RETREG1: variants seen among roughly 807,000 people sequenced by gnomAD.
The protein encoded by RETREG1 is family with sequence similarity 134 member B.
RETREG1 carries 44 observed loss-of-function variants against 54.8 expected under a neutral mutation model. That is an observed-to-expected ratio of 0.80 (90% CI 0.63 to 1.03). RETREG1 has a LOEUF of 1.03. Ranked by LOEUF, RETREG1 falls within the 50% of genes least tolerant of loss-of-function variation. The pLI is 0.00. For synonymous variants in RETREG1, 217 were observed against 238.5 expected, an observed-to-expected ratio of 0.91 and a Z score of 0.83; for missense variants, 554 against 605.1, an observed-to-expected ratio of 0.92 and a Z score of 0.89.
intron 8 of RETREG1, among the ~76,000 whole-genome samples, chr5:16,476,431 C>T (rs1236872477): frequency 1.3e-5 from 2 of 152,148 alleles, no homozygotes; most frequent in African/African-American, 4.8e-5. Flanking sequence ...CAAGCATTGA[C>T]TCTCAATTTA....
At chr5:16,524,718 TTC>T (rs1188618873) in intron 3 of RETREG1, among the ~76,000 whole-genome samples, 2 of 152,232 alleles carry the variant, frequency 1.3e-5, no homozygotes. Context: ...CTACTCCAGC[TTC>T]TGTGTCCTTC....
intron 3 of RETREG1, among the ~76,000 whole-genome samples, chr5:16,553,326 T>TA (rs1423802136): frequency 0.11 from 6,095 of 56,682 alleles, 380 homozygotes; most frequent in African/African-American, 0.29. Context: ...AAAAAACGTG[T>TA]AAGAAAAAAA....
intron 3 of RETREG1, among the ~76,000 whole-genome samples, chr5:16,531,734 G>A (rs989489939): frequency 3.3e-5 from 5 of 152,184 alleles, no homozygotes; most frequent in African/African-American, 1.2e-4. Flanking sequence ...TGAGAAGGGG[G>A]TGGCTAGACA....
intron 1 of RETREG1, among the ~76,000 whole-genome samples, chr5:16,572,569 A>C (rs539427909): frequency 2.6e-5 from 4 of 152,362 alleles, no homozygotes; most frequent in African/African-American, 9.6e-5. Flanking sequence ...TTTAATAGGC[A>C]TCAAAGTCAG....
chr5:16,521,402 A>G (rs1418799288), intron 3 of RETREG1, among the ~76,000 whole-genome samples: 2 of 152,204 alleles, frequency 1.3e-5, no homozygotes, highest in South Asian at 2.1e-4. Flanking sequence ...ATGTTCCTGC[A>G]TGCTTTCCTA....
intron 1 of RETREG1, among the ~76,000 whole-genome samples, chr5:16,589,617 C>T (rs745552863): frequency 1.4e-4 from 21 of 152,298 alleles, no homozygotes; most frequent in African/African-American, 4.6e-4. Context: ...CCGCCTGCCT[C>T]GGCCTCCCAA....
At chr5:16,491,472 T>C (rs1739243714) in intron 3 of RETREG1, among the ~76,000 whole-genome samples, 1 of 152,084 alleles carries the variant, frequency 6.6e-6, no homozygotes, top group Admixed American at 6.6e-5. Context: ...ACAGTAAACA[T>C]CCAAAGAAGA....
chr5:16,521,867 T>C (rs142206047), intron 3 of RETREG1, among the ~76,000 whole-genome samples: 5 of 152,228 alleles, frequency 3.3e-5, no homozygotes, highest in African/African-American at 1.2e-4. Context: ...AGAAGCCAAA[T>C]TGAAAGGGAG....
At chr5:16,596,859 T>C (rs2086408755) in intron 1 of RETREG1, among the ~76,000 whole-genome samples, 2 of 152,238 alleles carry the variant, frequency 1.3e-5, no homozygotes, top group South Asian at 4.1e-4. Context: ...CTTATGCAGC[T>C]TCTATACGCA....
chr5:16,610,333 T>TA (rs1743302172), intron 1 of RETREG1, among the ~76,000 whole-genome samples: 1 of 152,178 alleles, frequency 6.6e-6, no homozygotes, highest in Non-Finnish European at 1.5e-5. Context: ...TTTTACTATT[T>TA]ATACCAATAG....
At chr5:16,576,294 CTTTT>C (rs70940380) in intron 1 of RETREG1, among the ~76,000 whole-genome samples, 84 of 125,818 alleles carry the variant, frequency 6.7e-4, no homozygotes, top group African/African-American at 2.1e-3. Flanking sequence ...TTTTCTTTTT[CTTTT>C]TTTTTTTTTT....
At chr5:16,611,781 G>A (rs948259963) in intron 1 of RETREG1, among the ~76,000 whole-genome samples, 1 of 152,134 alleles carries the variant, frequency 6.6e-6, no homozygotes, top group African/African-American at 2.4e-5. Context: ...ACAAAACTAC[G>A]CTGAGTAAGC....
chr5:16,514,722 C>A (rs1396540228), intron 3 of RETREG1, among the ~76,000 whole-genome samples: 1 of 151,796 alleles, frequency 6.6e-6, no homozygotes, highest in Non-Finnish European at 1.5e-5. Flanking sequence ...TCCACTGTAT[C>A]ATTCCTATGC....
intron 3 of RETREG1, among the ~76,000 whole-genome samples, chr5:16,515,219 C>T (rs550041430): frequency 1.1e-4 from 16 of 152,124 alleles, no homozygotes; most frequent in African/African-American, 3.6e-4. Context: ...ACATTCCCAC[C>T]AGCAGTGTAA....
intron 1 of RETREG1, among the ~76,000 whole-genome samples, chr5:16,583,727 C>G (rs1291800061): frequency 6.6e-6 from 1 of 152,144 alleles, no homozygotes; most frequent in African/African-American, 2.4e-5. Context: ...GTGTAAAAAT[C>G]TAACCCTCAT....
At chr5:16,487,426 C>A (rs1053228038) in intron 3 of RETREG1, among the ~76,000 whole-genome samples, 1 of 152,156 alleles carries the variant, frequency 6.6e-6, no homozygotes, top group Admixed American at 6.5e-5. Context: ...AGATAAAGAC[C>A]ATTTAAGAGT....
chr5:16,528,101 G>A (rs192570335), intron 3 of RETREG1, among the ~76,000 whole-genome samples: 6 of 152,018 alleles, frequency 3.9e-5, no homozygotes, highest in South Asian at 2.1e-4. Context: ...GAGCCACCGC[G>A]CCCGGCCAGG....
In RETREG1 at chr5:16,478,013, T is replaced by A. The variant is rs201470673; in HGVS notation, c.873+21A>T. The stretch of plus-strand genomic sequence containing the variant: ...ACAGTCAAACCACACAGGAACAAAT[T>A]GAAAACTAAACAAAAAATACCTTAG... On this transcript the variant is annotated intron_variant, in intron 7 of 8. Transcript: ENST00000306320. 7 of 1,591,978 alleles carry A rather than the reference T, an allele frequency of 4.4e-6. No individual in the cohort carries two copies. The South Asian group carries it at 6.8e-5, about 15-fold the overall frequency.
chr5:16,489,287 TA>T (rs569917726), intron 3 of RETREG1, among the ~76,000 whole-genome samples: 8 of 152,116 alleles, frequency 5.3e-5, no homozygotes, highest in Non-Finnish European at 1.2e-4. Flanking sequence ...TTTGTTCCCT[TA>T]AAAAATATAG....
Sources: gnomAD v4.1 joint callset for allele counts (sites outside exome capture counted in the v4.1 genomes callset) on GRCh38, gnomAD v4.1.1 for gene constraint, MANE v1.5 for transcripts, NCBI Gene and HGNC (gene_info 2026-07-23, HGNC 2026-07-21) for gene names.